The following ZNF746 variants were observed in gnomAD, a reference collection of about 807,000 sequenced individuals.
ZNF746 encodes parkin-interacting substrate.
A neutral mutation model predicts 41.0 loss-of-function variants in ZNF746; 13 were observed. The ratio of observed to expected loss-of-function variants is 0.32; its 90% CI spans 0.21 to 0.50. ZNF746 has a LOEUF of 0.50. ZNF746 is among the 20% of genes least tolerant of loss of function. The pLI is 0.98. For synonymous variants in ZNF746, 424 were observed against 396.2 expected (o/e 1.07, Z -0.83); for missense variants, 811 against 922.9 (o/e 0.88, Z 1.57).
At chr7:149,493,377 CCTCT>C (rs1400652071) in intron 3 of ZNF746, among the ~76,000 whole-genome samples, 2 of 152,234 alleles carry the variant, frequency 1.3e-5, no homozygotes, top group East Asian at 1.9e-4. Flanking sequence ...CTGCTCCTGC[CCTCT>C]CTAACAGGTC....
intron 4 of ZNF746, among the ~76,000 whole-genome samples, chr7:149,478,773 TAAAG>T (rs936066540): frequency 6.6e-6 from 1 of 152,148 alleles, no homozygotes; most frequent in Non-Finnish European, 1.5e-5. Flanking sequence ...ATCAAAGAGA[TAAAG>T]AACAGAATCT....
intron 4 of ZNF746, among the ~76,000 whole-genome samples, chr7:149,492,569 C>G (rs1800839086): frequency 6.6e-6 from 1 of 152,196 alleles, no homozygotes; most frequent in South Asian, 2.1e-4. Context: ...TATGCTCCTG[C>G]CTTCCCTCTC....
chr7:149,477,994 A>C (rs1800370465), intron 4 of ZNF746: 1 of 424,102 alleles, frequency 2.4e-6, no homozygotes, highest in South Asian at 5.6e-5. Context: ...AAGAATACAC[A>C]AGCACATTCT....
rs1046097709 is a variant in ZNF746 at position 149,474,870 on chromosome 7, C to A, written c.1497G>T (p.Pro499=). Residue 499 remains proline, a synonymous_variant, in exon 7 of 7, where the codon CCG becomes CCT. Transcript: ENST00000458143. This position sits in a 1 kb window ranked among gnomAD's most constrained non-coding sequence, Gnocchi z 6.3. The stretch of plus-strand genomic sequence containing the variant: ...TGCCGCTGCCGCCACCGCCTGTGCC[C>A]GGGCCCGACCCGTCGGGCGCCCCAC... ...RSCGAPDGSG[P]GTGGGGSGSG... is the part of the protein sequence containing the mutation. 60 of 1,488,108 alleles carry A rather than the reference C, an allele frequency of 4.0e-5. No individual in the cohort carries two copies. Among genetic ancestry groups the A allele is most frequent in the Non-Finnish European group, 4.8e-5 (54 of 1,125,488 alleles). The allele number at this position is 1,488,108 out of a possible 1,614,324, so 92.2% of individuals were successfully genotyped here.
At chr7:149,477,994 A>T (rs1800370465) in intron 4 of ZNF746, 1 of 423,984 alleles carries the variant, frequency 2.4e-6, no homozygotes, top group Non-Finnish European at 4.2e-6. Flanking sequence ...AAGAATACAC[A>T]AGCACATTCT....
intron 1 of ZNF746, among the ~76,000 whole-genome samples, chr7:149,495,494 G>A (rs764049928): frequency 3.9e-5 from 6 of 152,194 alleles, no homozygotes; most frequent in Non-Finnish European, 5.9e-5. Context: ...CACATTTTGC[G>A]GTGGGTAGGG....
At chr7:149,487,859 C>T (rs1800675024) in intron 4 of ZNF746, 1 of 152,156 alleles carries the variant, frequency 6.6e-6, no homozygotes, top group Admixed American at 6.5e-5. Flanking sequence ...AAAGTCAATG[C>T]AATTCCAATC....
rs1800155406 is a variant in ZNF746, at chr7:149,473,162, G to C, written c.*1222C>G. ...CAGCCTCGCGAGCTGTGCCCTCTGA[G>C]AGTGCACACATTAAGGAGGCTGGGG... is the stretch of plus-strand genomic sequence containing the variant. On this transcript the variant is annotated 3_prime_UTR_variant, in exon 7 of 7. Coordinates refer to ENST00000458143, the MANE Select transcript of ZNF746 (RefSeq NM_001394198.1). 2 of 152,056 alleles carry C rather than the reference G, an allele frequency of 1.3e-5. No individual in the cohort carries two copies. The highest frequency in any genetic ancestry group is 1.3e-4 in the Admixed American group (2 of 15,270). The allele number at this position is 152,056 out of a possible 1,614,324, so 9.4% of individuals were successfully genotyped here. A position where few individuals can be genotyped will look rare whatever the true frequency, so the allele number is the denominator to read the frequency against.
At position 149,475,371 on chromosome 7, in the gene ZNF746, G is replaced by C; in HGVS notation, c.996C>G (p.Ala332=). Residue 332 remains alanine (A), a synonymous_variant, in exon 7 of 7, where the codon GCC becomes GCG. Transcript: ENST00000458143. ...GGGCAGGACTAGGGAAGAACCGTGT[G>C]GCTTGGCCTGGTCCAAACAGGGTCC... ...AHGTLFGPGQ[A]TRFFPSPAQE... 1 of 1,614,178 alleles carries C rather than the reference G, an allele frequency of 6.2e-7. No individual in the cohort carries two copies. The highest frequency in any genetic ancestry group is 2.2e-5 in the East Asian group (1 of 44,870).
intron 4 of ZNF746, chr7:149,488,303 A>T (rs1232420221): frequency 2.0e-5 from 3 of 152,176 alleles, no homozygotes; most frequent in Non-Finnish European, 4.4e-5. Context: ...TAAAAAAAAT[A>T]GAGAAGAGTA....
chr7:149,493,070 G>A (rs1172953571), intron 3 of ZNF746, 98 bp from the exon 4 acceptor site: 2 of 820,474 alleles, frequency 2.4e-6, no homozygotes, highest in Non-Finnish European at 4.0e-6. Context: ...GAAATCTCTT[G>A]ATTGTCACAA....
rs2116631049 is a variant in ZNF746 at position 149,474,075 on chromosome 7, A to G, written c.*309T>C. ...CCAAAAGTACCTACAAAATTTAAAT[A>G]GCCCTATTACTATTTTCCAGCTTTT... On this transcript the variant is annotated 3_prime_UTR_variant, in exon 7 of 7. Coordinates refer to ENST00000458143, the MANE Select transcript of ZNF746 (RefSeq NM_001394198.1). This position sits in a 1 kb window ranked among gnomAD's most constrained non-coding sequence, Gnocchi z 6.3. The G allele has an allele frequency of 2.5e-6, 1 of 394,568 alleles. No individual in the cohort carries two copies. The highest frequency in any genetic ancestry group is 4.7e-6 in the Non-Finnish European group (1 of 214,604). 24.4% of individuals were successfully genotyped at this position (394,568 alleles called of 1,614,324 possible).
chr7:149,495,593 T>G lies in ZNF746; in HGVS notation c.25-1090A>C, dbSNP rs536010063. Among the ~76,000 whole-genome samples the G allele has an allele frequency of 8.5e-5, 13 of 152,298 alleles. No individual in the cohort carries two copies. In the East Asian group the frequency reaches 1.7e-3, roughly 20 times the overall value. On this transcript the variant is annotated intron_variant, in intron 1 of 6. Transcript: ENST00000458143. Reference sequence around the variant, plus strand: ...GTATCGGGACCTGAGGATCAACGCCTCCTTACAACATTCTGCAAAATAATT... The same window carrying G: ...GTATCGGGACCTGAGGATCAACGCCGCCTTACAACATTCTGCAAAATAATT...
At chr7:149,480,391 T>A (rs1419398460) in intron 4 of ZNF746, among the ~76,000 whole-genome samples, 1 of 152,140 alleles carries the variant, frequency 6.6e-6, no homozygotes, top group Non-Finnish European at 1.5e-5. Context: ...AAATGTAACA[T>A]TCTTTAGAAT....
In ZNF746 at chr7:149,474,269, T is replaced by C. The variant is rs943378138; in HGVS notation, c.*115A>G. ...CTCCAGTGATCATCAGTTCAGCAAC[T>C]TGGACATTTGGTTCTCCCCGTCCCG... On this transcript the variant is annotated 3_prime_UTR_variant, in exon 7 of 7. Coordinates refer to ENST00000458143, the MANE Select transcript of ZNF746 (RefSeq NM_001394198.1). The surrounding 1 kb of genome is among the most constrained non-coding windows in gnomAD (Gnocchi z 6.3). 4.1e-6 allele frequency: 5 copies of C among 1,228,692 alleles called. No individual in the cohort carries two copies. In the East Asian group the frequency reaches 7.6e-5, roughly 19 times the overall value. 76.1% of individuals were successfully genotyped at this position (1,228,692 alleles called of 1,614,324 possible). A position where few individuals can be genotyped will look rare whatever the true frequency, so the allele number is the denominator to read the frequency against.
intron 4 of ZNF746, among the ~76,000 whole-genome samples, chr7:149,478,841 A>G (rs975774168): frequency 3.9e-5 from 6 of 152,268 alleles, no homozygotes; most frequent in African/African-American, 1.4e-4. Flanking sequence ...AAAAGAACTC[A>G]ACATTCTAGA....
At chr7:149,493,884 T>A in intron 3 of ZNF746, 105 bp downstream of exon 3, 1 of 1,576,878 alleles carries the variant, frequency 6.3e-7, no homozygotes, top group Non-Finnish European at 8.7e-7. Flanking sequence ...GTCAACAATG[T>A]TTCTGGTGAT....
At chr7:149,496,214 C>T (rs906587426) in intron 1 of ZNF746, among the ~76,000 whole-genome samples, 6 of 152,180 alleles carry the variant, frequency 3.9e-5, no homozygotes, top group Non-Finnish European at 8.8e-5. Context: ...TAGTCTTTTA[C>T]TCATGGACAA....
rs896875220 is a variant in ZNF746, at chr7:149,494,990, C to CA, written c.25-488dup. On this transcript the variant is annotated intron_variant, in intron 1 of 6. Coordinates refer to ENST00000458143, the MANE Select transcript of ZNF746 (RefSeq NM_001394198.1). This position sits in a 1 kb window ranked among gnomAD's most constrained non-coding sequence, Gnocchi z 5.6. ...GAACTGTCTACTGATGATGACCCAG[C>CA]AAAAAAAACAGCTGGTTCACTGAAA... is the stretch of plus-strand genomic sequence containing the variant. Among the ~76,000 whole-genome samples the CA allele has an allele frequency of 2.5e-3, 376 of 151,124 alleles. 7 individuals carry two copies. Among genetic ancestry groups the CA allele is most frequent in the Middle Eastern group, 3.4e-3 (1 of 294 alleles).
Sources: allele counts gnomAD v4.1 joint callset (sites outside exome capture counted in the v4.1 genomes callset), GRCh38; gene constraint gnomAD v4.1.1; non-coding constraint Gnocchi (gnomAD v3.1); transcripts MANE v1.5; gene names NCBI Gene and HGNC (gene_info 2026-07-23, HGNC 2026-07-21).